Variants in EPHB4 observed in about 807,000 individuals in gnomAD.
EPHB4 encodes the protein EPH receptor B4.
In EPHB4, 50 loss-of-function variants were observed where a neutral mutation model predicts 110.6. That is an observed-to-expected ratio of 0.45 (90% CI 0.36 to 0.57). EPHB4 has a LOEUF of 0.57. Ranked by LOEUF, EPHB4 falls within the 20% of genes least tolerant of loss-of-function variation. EPHB4 has a pLI of 0.00. For missense variants in EPHB4, 1,128 were observed against 1,382.1 expected (o/e 0.82, Z 2.91); for synonymous variants, 592 against 578.4 (o/e 1.02, Z -0.34).
intron 16 of EPHB4, among the ~76,000 whole-genome samples, chr7:100,803,868 G>A (rs533265622): frequency 6.6e-6 from 1 of 152,334 alleles, no homozygotes; most frequent in Admixed American, 6.5e-5. Flanking sequence ...CCCGCAAAAT[G>A]AGACTGGGGG....
chr7:100,826,257 G>GTGGGGGCTGTGTAGGTCAGTTTCTACC (rs1247277237), intron 1 of EPHB4, among the ~76,000 whole-genome samples: 1 of 152,138 alleles, frequency 6.6e-6, no homozygotes. Context: ...TTAGGGCGAT[G>GTGGGGGCTGTGTAGGTCAGTTTCTACC]TGGGGGCTGT....
Position 100,818,587 on chromosome 7 carries a change from A to G in EPHB4, c.1355T>C (p.Leu452Pro). ...GGGTGCCCGGGGAACAGCCCAGGCC[A>G]GGCTCAAGCTGCTGGGTGAGGACCG... ...VTRSSPSSLS[L>P]AWAVPRAPSG... The change falls in exon 7 of 17, where the codon CTG becomes CCG. Residue 452 changes from leucine (L) to proline (P), a missense_variant. Coordinates refer to ENST00000358173, the MANE Select transcript of EPHB4 (RefSeq NM_004444.5). 6.2e-7 allele frequency: 1 copy of G among 1,613,768 alleles called. No individual in the cohort carries two copies. Among genetic ancestry groups the G allele is most frequent in the Non-Finnish European group, 8.5e-7 (1 of 1,180,032 alleles).
intron 9 of EPHB4, 38 bp from the exon 10 acceptor site, chr7:100,813,754 T>C: frequency 6.2e-7 from 1 of 1,613,444 alleles, no homozygotes; most frequent in African/African-American, 1.3e-5. Context: ...GTAAACTGAG[T>C]CACACATCTT....
chr7:100,827,394 C>T lies in EPHB4; in HGVS notation c.-364G>A, dbSNP rs1813440081. 1 of 150,542 alleles carries T rather than the reference C, an allele frequency of 6.6e-6. No individual in the cohort carries two copies. The highest frequency in any genetic ancestry group is 1.5e-5 in the Non-Finnish European group (1 of 67,424). 9.3% of individuals were successfully genotyped at this position (150,542 alleles called of 1,614,324 possible). On this transcript the variant is annotated 5_prime_UTR_variant, in exon 1 of 17. Coordinates refer to ENST00000358173, the MANE Select transcript of EPHB4 (RefSeq NM_004444.5). ...CTCCCTGGAGTGGCTCTGCTCGCGC[C>T]GCCGGGCCGAGTGCTCTCCTCGCGG...
chr7:100,826,444 G>A (rs1813398606), intron 1 of EPHB4, among the ~76,000 whole-genome samples: 1 of 152,116 alleles, frequency 6.6e-6, no homozygotes, highest in South Asian at 2.1e-4. Flanking sequence ...GGGCGGGAGA[G>A]CGGTTTGGGG....
Position 100,810,077 on chromosome 7 carries a change from C to G in EPHB4, c.2119-2497G>C, listed in dbSNP as rs111580257. On this transcript the variant is annotated intron_variant, in intron 12 of 16. Coordinates refer to ENST00000358173, the MANE Select transcript of EPHB4 (RefSeq NM_004444.5). ...CCATCCTGGCCAATATGGTGAAACCCTGTCTCTACTAAAAATACAAAAATT... is the reference window on the plus strand; with the variant it reads ...CCATCCTGGCCAATATGGTGAAACCGTGTCTCTACTAAAAATACAAAAATT... Among the ~76,000 whole-genome samples, 754 of 152,240 alleles carry G rather than the reference C, an allele frequency of 5.0e-3. 3 individuals are homozygous for G. The highest frequency in any genetic ancestry group is 0.017 in the African/African-American group (705 of 41,568).
Position 100,803,295 on chromosome 7 carries a change from C to T in EPHB4, c.*166G>A, listed in dbSNP as rs1007032790. The T allele has an allele frequency of 3.4e-5, 29 of 849,180 alleles. No individual in the cohort carries two copies. The highest frequency in any genetic ancestry group is 4.7e-5 in the Non-Finnish European group (29 of 612,046). The allele number at this position is 849,180 out of a possible 1,614,324, so 52.6% of individuals were successfully genotyped here. On this transcript the variant is annotated 3_prime_UTR_variant, in exon 17 of 17. Coordinates refer to ENST00000358173, the MANE Select transcript of EPHB4 (RefSeq NM_004444.5). ...GTGGCTGGGGGGTGATTTTCCCCTC[C>T]TATTATGGCAGAACCCCCAAATCCT...
chr7:100,804,240 A>G (rs2553022), intron 16 of EPHB4, among the ~76,000 whole-genome samples: 33,386 of 150,486 alleles, frequency 0.22, 4,538 homozygotes, highest in East Asian at 0.52. Context: ...GGCTCAAGCA[A>G]TCGGTCCACC....
chr7:100,822,818 C>G lies in EPHB4; in HGVS notation c.412-151G>C. On this transcript the variant is annotated intron_variant, in intron 3 of 16. Transcript: ENST00000358173. The surrounding 1 kb of genome is among the most constrained non-coding windows in gnomAD (Gnocchi z 4.7). ...TTCCCCAGGGCACACTTTCTGCAGG[C>G]CCCCACACTGTCCATTCAGCCTTGC... 1 of 1,219,854 alleles carries G rather than the reference C, an allele frequency of 8.2e-7. No individual in the cohort carries two copies. The highest frequency in any genetic ancestry group is 1.1e-6 in the Non-Finnish European group (1 of 908,158). The allele number at this position is 1,219,854 out of a possible 1,614,324, so 75.6% of individuals were successfully genotyped here.
intron 13 of EPHB4, among the ~76,000 whole-genome samples, chr7:100,806,772 C>G (rs1812826567): frequency 6.6e-6 from 1 of 152,102 alleles, no homozygotes; most frequent in South Asian, 2.1e-4. Context: ...CCGGGTTCAA[C>G]TGGTTCTCCT....
In EPHB4 at chr7:100,807,388, C is replaced by T. The variant is rs1584654342; in HGVS notation, c.2311G>A (p.Asp771Asn). 2.5e-6 allele frequency: 4 copies of T among 1,613,780 alleles called. No homozygotes were observed. Among genetic ancestry groups the T allele is most frequent in the African/African-American group, 1.3e-5 (1 of 74,962 alleles). Residue 771 changes from aspartate to asparagine, a missense_variant, in exon 13 of 17, where the codon GAT becomes AAT. Physicochemically the swap from Asp to Asn is conservative, Grantham distance 23 (BLOSUM62 1). This residue lies in a region of EPHB4 where 191 missense variants were observed against 313.0 expected (regional missense o/e 0.61). Coordinates refer to ENST00000358173, the MANE Select transcript of EPHB4 (RefSeq NM_004444.5). ...LSRFLEENSSDPTYTSSLGGK... is the reference protein window; with the variant it reads ...LSRFLEENSSNPTYTSSLGGK... ...ACCAGGGAGCTCGTGTAGGTGGGAT[C>T]GGAAGAGTTCTCCTCCAGGAATCGG...
chr7:100,819,932 CG>C, intron 5 of EPHB4, 43 bp from the exon 6 acceptor site: 1 of 1,515,420 alleles, frequency 6.6e-7, no homozygotes, highest in Non-Finnish European at 8.9e-7. Flanking sequence ...ACCTGCTCTG[CG>C]GTGGTGGGGA....
intron 5 of EPHB4, 102 bp from the exon 6 acceptor site, chr7:100,819,991 A>T: frequency 6.8e-7 from 1 of 1,466,906 alleles, no homozygotes; most frequent in South Asian, 1.3e-5. Context: ...TGCCTTGGAG[A>T]CAGTGGGCTC....
rs1281349997 is a variant in EPHB4 at position 100,805,821 on chromosome 7, C to T, written c.2485-127G>A. 1.4e-5 allele frequency: 13 copies of T among 930,964 alleles called. No individual in the cohort carries two copies. The Admixed American group carries it at 2.1e-4, about 15-fold the overall frequency. 57.7% of individuals were successfully genotyped at this position (930,964 alleles called of 1,614,324 possible). The stretch of plus-strand genomic sequence containing the variant: ...ACAGCCCCCCAAAAAATAACAGATC[C>T]AGGAATCCTCCTAGCCGGAGTTGAA... On this transcript the variant is annotated intron_variant, in intron 14 of 16. Coordinates refer to ENST00000358173, the MANE Select transcript of EPHB4 (RefSeq NM_004444.5).
chr7:100,820,859 T>G (rs755151738), intron 4 of EPHB4, among the ~76,000 whole-genome samples: 8 of 151,974 alleles, frequency 5.3e-5, no homozygotes, highest in Non-Finnish European at 8.8e-5. Flanking sequence ...GAATGGCCTG[T>G]AAATACCTGT....
At position 100,803,467 on chromosome 7, in the gene EPHB4, C is replaced by T. The variant is rs1812742720; in HGVS notation, c.2958G>A (p.Gln986=). ...GGTGGGGAGTTCCTGCAGGTCAGTA[C>T]TGCGGGGCCGGTCCTCCTGTCCCAC... ...TPGGTGGPAP[Q]Y The change falls in exon 17 of 17, where the codon CAG becomes CAA. Residue 986 remains glutamine, a synonymous_variant. Transcript: ENST00000358173. 1 of 1,572,384 alleles carries T rather than the reference C, an allele frequency of 6.4e-7. No individual in the cohort carries two copies. Among genetic ancestry groups the T allele is most frequent in the Non-Finnish European group, 8.7e-7 (1 of 1,155,788 alleles).
At position 100,807,412 on chromosome 7, in the gene EPHB4, G is replaced by T. The variant is rs1331371272; in HGVS notation, c.2287C>A (p.Arg763=). The change falls in exon 13 of 17, where the codon CGA becomes AGA. Residue 763 remains arginine, a synonymous_variant. Coordinates refer to ENST00000358173, the MANE Select transcript of EPHB4 (RefSeq NM_004444.5). ...TCGGAAGAGTTCTCCTCCAGGAATC[G>T]GGAAAGGCCAAAGTCAGACACTTTG... is the stretch of plus-strand genomic sequence containing the variant. ...VCKVSDFGLS[R]FLEENSSDPT... 1.2e-6 allele frequency: 2 copies of T among 1,613,860 alleles called. No individual in the cohort carries two copies. The highest frequency in any genetic ancestry group is 1.7e-6 in the Non-Finnish European group (2 of 1,179,998).
rs55843039 is a variant in EPHB4 at position 100,819,600 on chromosome 7, C to G, written c.1254G>C (p.Gly418=). The G allele has an allele frequency of 5.1e-5, 81 of 1,592,144 alleles. No individual in the cohort carries two copies. Among genetic ancestry groups the G allele is most frequent in the Middle Eastern group, 1.7e-4 (1 of 6,004 alleles). ...ALNGVSSLAT[G]PVPFEPVNVT... ...CATTGACAGGCTCAAATGGGACGGG[C>G]CCCGTGGCTAAGGAGGATACCCCGT... Residue 418 remains glycine, a synonymous_variant, in exon 6 of 17, where the codon GGG becomes GGC. Coordinates refer to ENST00000358173, the MANE Select transcript of EPHB4 (RefSeq NM_004444.5).
At chr7:100,818,785 C>T in intron 6 of EPHB4, 141 bp from the exon 7 acceptor site, 1 of 1,088,142 alleles carries the variant, frequency 9.2e-7, no homozygotes, top group Non-Finnish European at 1.3e-6. Flanking sequence ...TTACTGCAAC[C>T]TCCGCCTCCT....
Sources: allele counts gnomAD v4.1 joint callset (sites outside exome capture counted in the v4.1 genomes callset), GRCh38; gene constraint gnomAD v4.1.1; regional missense constraint gnomAD v4.1.1; non-coding constraint Gnocchi (gnomAD v3.1); transcripts MANE v1.5; gene names NCBI Gene and HGNC (gene_info 2026-07-23, HGNC 2026-07-21).